Variants in TCP1 observed in about 807,000 individuals in gnomAD.
TCP1 encodes the protein t-complex 1.
TCP1 carries 6 observed loss-of-function variants against 54.7 expected under a neutral mutation model. That is an observed-to-expected ratio of 0.11 (90% CI 0.06 to 0.22). TCP1 has a LOEUF of 0.22. Ranked by LOEUF, TCP1 falls within the 10% of genes least tolerant of loss-of-function variation. TCP1 has a pLI of 1.00. For missense variants in TCP1, 511 were observed against 678.2 expected (o/e 0.75, Z 2.74); for synonymous variants, 225 against 229.7 (o/e 0.98, Z 0.19).
chr6:159,779,561 GACT>G (rs1780521875), intron 11 of TCP1, 63 bp downstream of exon 11: 16 of 1,517,762 alleles, frequency 1.1e-5, no homozygotes, highest in East Asian at 2.3e-5. Flanking sequence ...ACATGTAATT[GACT>G]ACTATCCTTT....
chr6:159,785,455 G>T lies in TCP1; in HGVS notation c.419C>A (p.Thr140Lys), dbSNP rs1282513180. 6.2e-7 allele frequency: 1 copy of T among 1,613,904 alleles called. No individual in the cohort carries two copies. The highest frequency in any genetic ancestry group is 1.7e-5 in the Admixed American group (1 of 60,028). Residue 140 changes from threonine (T) to lysine (K), a missense_variant, in exon 5 of 12, where the codon ACA becomes AAA. Transcript: ENST00000321394. ...RYINENLIVN[T>K]DELGRDCLIN... The stretch of plus-strand genomic sequence containing the variant: ...CAGGCAATCTCTTCCCAGTTCATCT[G>T]TGTTAACAATTAGGTTTTCATTGAT...
intron 3 of TCP1, among the ~76,000 whole-genome samples, chr6:159,787,271 G>C (rs1420223862): frequency 2.0e-5 from 3 of 151,938 alleles, no homozygotes; most frequent in African/African-American, 7.3e-5. Flanking sequence ...TAAAAACATT[G>C]TTTCTCCCCC....
intron 7 of TCP1, 72 bp from the exon 8 acceptor site, chr6:159,781,182 T>C: frequency 8.0e-7 from 1 of 1,252,776 alleles, no homozygotes. Flanking sequence ...ATTAAGTATT[T>C]ATCACAAGAT....
chr6:159,787,922 C>T (rs1379463277), intron 2 of TCP1, 51 bp from the exon 3 acceptor site: 2 of 1,610,046 alleles, frequency 1.2e-6, no homozygotes, highest in East Asian at 2.2e-5. Flanking sequence ...ATCAACACAG[C>T]CCCATTATAA....
intron 11 of TCP1, 72 bp from the exon 12 acceptor site, chr6:159,779,333 A>T: frequency 7.4e-7 from 1 of 1,343,710 alleles, no homozygotes; most frequent in Non-Finnish European, 1.1e-6. Flanking sequence ...CCAGCATTTC[A>T]TTCAAGTATT....
At chr6:159,780,256 C>G in intron 9 of TCP1, 169 bp from the exon 10 acceptor site, 1 of 1,209,448 alleles carries the variant, frequency 8.3e-7, no homozygotes, top group South Asian at 1.2e-5. Flanking sequence ...GAAACAATGT[C>G]TAGTCCCTGC....
intron 7 of TCP1, among the ~76,000 whole-genome samples, chr6:159,782,985 G>A (rs1780611867): frequency 6.6e-6 from 1 of 152,194 alleles, no homozygotes; most frequent in African/African-American, 2.4e-5. Context: ...GGAGAACAGG[G>A]CTGAAAAGGG....
rs1365893482 is a variant in TCP1, at chr6:159,779,105, A to C, written c.1611T>G (p.Ser537Arg). The change falls in exon 12 of 12, where the codon AGT becomes AGG. Residue 537 changes from serine (S) to arginine (R), a missense_variant. Ser to Arg is a moderately radical substitution (Grantham distance 110). Around this residue, in one of 5 missense-constraint regions of TCP1, gnomAD observed 29 missense variants for 27.7 expected, o/e 1.05. Transcript: ENST00000321394. The part of the protein sequence containing the change: ...IDDLIKLHPE[S>R]KDDKHGSYED... ...CATAACTTCCATGTTTATCATCTTT[A>C]CTTTCTGGATGTAATTTAATAAGAT... The C allele has an allele frequency of 1.2e-6, 2 of 1,614,050 alleles. No homozygotes were observed. Among genetic ancestry groups the C allele is most frequent in the Non-Finnish European group, 1.7e-6 (2 of 1,179,960 alleles).
In TCP1 at chr6:159,778,795, G is replaced by C; in HGVS notation, c.*250C>G. On this transcript the variant is annotated 3_prime_UTR_variant, in exon 12 of 12. Transcript: ENST00000321394. ...GTTGCAGCCCTGTGCATTGGGGGTG[G>C]GATGGGAATAGCAATGTGTGTTCAG... 6.2e-7 allele frequency: 1 copy of C among 1,614,178 alleles called. No homozygotes were observed. Among genetic ancestry groups the C allele is most frequent in the Non-Finnish European group, 8.5e-7 (1 of 1,180,036 alleles).
chr6:159,785,915 T>C lies in TCP1; in HGVS notation c.362A>G (p.Tyr121Cys). ...ACAATCTTACTTGCAAGCAAGTCGA[T>C]AGCCACTAATAACTGATGTGGGATG... ...KIHPTSVISGYRLACKEAVRY... is the reference protein window; with the variant it reads ...KIHPTSVISGCRLACKEAVRY... The change falls in exon 4 of 12, where the codon TAT becomes TGT. Residue 121 changes from tyrosine to cysteine, a missense_variant. Physicochemically the swap from Tyr to Cys is radical, Grantham distance 194 (BLOSUM62 -2). Transcript: ENST00000321394. The C allele has an allele frequency of 1.2e-6, 2 of 1,613,628 alleles. No homozygotes were observed. Among genetic ancestry groups the C allele is most frequent in the Non-Finnish European group, 1.7e-6 (2 of 1,179,830 alleles).
At position 159,780,448 on chromosome 6, in the gene TCP1, G is replaced by A; in HGVS notation, c.1092C>T (p.Ile364=). The A allele has an allele frequency of 6.2e-7, 1 of 1,613,468 alleles. No individual in the cohort carries two copies. Among genetic ancestry groups the A allele is most frequent in the Non-Finnish European group, 8.5e-7 (1 of 1,179,738 alleles). ...ERICDDELIL[I]KNTKARTSAS... is the part of the protein sequence containing the mutation. ...TTTTAGAAAGTGGCTCTTACTTTTT[G>A]ATTAAGATCAGCTCATCATCACAAA... The change falls in exon 9 of 12, where the codon ATC becomes ATT. Residue 364 remains isoleucine, a synonymous_variant. Coordinates refer to ENST00000321394, the MANE Select transcript of TCP1 (RefSeq NM_030752.3).
At chr6:159,783,294 C>A (rs7765490) in intron 7 of TCP1, among the ~76,000 whole-genome samples, 4 of 151,794 alleles carry the variant, frequency 2.6e-5, no homozygotes, top group African/African-American at 9.7e-5. Flanking sequence ...GAAAAAAGAA[C>A]ACCCGTGCAG....
At position 159,778,654 on chromosome 6, in the gene TCP1, G is replaced by A. The variant is rs200892543; in HGVS notation, c.*391C>T. ...AAACAATCTAAATCTTTTCTCCCCCGTTAGGTCAATATTGAAGGAGGGGCT... is the reference window on the plus strand; with the variant it reads ...AAACAATCTAAATCTTTTCTCCCCCATTAGGTCAATATTGAAGGAGGGGCT... On this transcript the variant is annotated 3_prime_UTR_variant, in exon 12 of 12. Coordinates refer to ENST00000321394, the MANE Select transcript of TCP1 (RefSeq NM_030752.3). The A allele has an allele frequency of 1.3e-4, 217 of 1,613,498 alleles. No homozygotes were observed. Among genetic ancestry groups the A allele is most frequent in the African/African-American group, 3.2e-4 (24 of 75,010 alleles).
At chr6:159,784,969 T>C in intron 5 of TCP1, 122 bp from the exon 6 acceptor site, 1 of 906,358 alleles carries the variant, frequency 1.1e-6, no homozygotes, top group Admixed American at 2.3e-5. Flanking sequence ...CAGCAAGCAT[T>C]ACTTGTCACC....
intron 7 of TCP1, among the ~76,000 whole-genome samples, chr6:159,781,614 T>C (rs1357883177): frequency 6.6e-6 from 1 of 151,940 alleles, no homozygotes; most frequent in Non-Finnish European, 1.5e-5. Flanking sequence ...CTACTAAAAA[T>C]ACAAAAAATT....
Position 159,789,230 on chromosome 6 carries a change from A to T in TCP1, c.64+175T>A, listed in dbSNP as rs1352255156. On this transcript the variant is annotated intron_variant, in intron 1 of 11. Coordinates refer to ENST00000321394, the MANE Select transcript of TCP1 (RefSeq NM_030752.3). ...CGGGGCTCCTCCTCGCTGTGGGAAA[A>T]GTGGGGCCACAGCGCCCTGCCCCAG... The T allele has an allele frequency of 9.2e-6, 6 of 650,394 alleles. No homozygotes were observed. The East Asian group carries it at 1.7e-4, about 19-fold the overall frequency. 40.3% of individuals were successfully genotyped at this position (650,394 alleles called of 1,614,324 possible).
rs774450476 is a variant in TCP1 at position 159,785,529 on chromosome 6, T to C, written c.378-33A>G. 18 of 1,499,030 alleles carry C rather than the reference T, an allele frequency of 1.2e-5. No homozygotes were observed. In the African/African-American group the frequency reaches 2.1e-4, roughly 17 times the overall value. The allele number at this position is 1,499,030 out of a possible 1,614,324, so 92.9% of individuals were successfully genotyped here. A position where few individuals can be genotyped will look rare whatever the true frequency, so the allele number is the denominator to read the frequency against. On this transcript the variant is annotated intron_variant, in intron 4 of 11. Coordinates refer to ENST00000321394, the MANE Select transcript of TCP1 (RefSeq NM_030752.3). Reference sequence around the variant, plus strand: ...AAAGTGTGGGGGAGAAAAACGCTTATAAAGTCACTACTCAAACTCTTTGCA... The same window carrying C: ...AAAGTGTGGGGGAGAAAAACGCTTACAAAGTCACTACTCAAACTCTTTGCA...
chr6:159,786,892 A>T (rs181510003), intron 3 of TCP1, among the ~76,000 whole-genome samples: 418 of 152,226 alleles, frequency 2.7e-3, no homozygotes, highest in Admixed American at 5.2e-3. Context: ...TCATATCATG[A>T]TGTATTTATT....
chr6:159,784,891 A>G (rs1780656642), intron 5 of TCP1, 44 bp from the exon 6 acceptor site: 1 of 1,593,958 alleles, frequency 6.3e-7, no homozygotes, highest in Admixed American at 1.7e-5. Flanking sequence ...GAATGGACAA[A>G]GGGTACACAC....
Sources: allele counts gnomAD v4.1 joint callset (sites outside exome capture counted in the v4.1 genomes callset), GRCh38; gene constraint gnomAD v4.1.1; regional missense constraint gnomAD v4.1.1; transcripts MANE v1.5; gene names NCBI Gene and HGNC (gene_info 2026-07-23, HGNC 2026-07-21).